The following CPLANE1 variants were observed in gnomAD, a reference collection of about 807,000 sequenced individuals.
CPLANE1 encodes the protein ciliogenesis and planar polarity effector complex subunit 1.
A neutral mutation model predicts 362.5 loss-of-function variants in CPLANE1; 263 were observed. The observed-to-expected ratio is 0.73, with a 90% CI of 0.66 to 0.80. CPLANE1 has a LOEUF of 0.80. Among genes scored for constraint, CPLANE1 ranks in the 30% least tolerant of loss-of-function variants. CPLANE1 has a pLI of 0.00. For missense variants in CPLANE1, 3,461 were observed against 3,793.4 expected (o/e 0.91, Z 2.30); for synonymous variants, 1,212 against 1,302.6 (o/e 0.93, Z 1.50).
the CPLANE1 span, among the ~76,000 whole-genome samples, chr5:37,097,555 T>C: frequency 3.3e-4 from 50 of 152,172 alleles, no homozygotes; most frequent in African/African-American, 1.1e-3. Flanking sequence ...CCCCAAAAGG[T>C]CTTCTGTCAC....
chr5:37,178,540 G>C (rs1781823157), intron 29 of CPLANE1, among the ~76,000 whole-genome samples: 1 of 149,904 alleles, frequency 6.7e-6, no homozygotes, highest in African/African-American at 2.5e-5. Flanking sequence ...TTTATTCCAG[G>C]AATTCCAGGC....
At chr5:37,162,591 G>A (rs752207697) in intron 37 of CPLANE1, 25 bp from the exon 38 acceptor site, 71 of 1,517,076 alleles carry the variant, frequency 4.7e-5, no homozygotes, top group Middle Eastern at 3.4e-4. Flanking sequence ...AACATTGGAA[G>A]TAATCATTGA....
chr5:37,215,170 C>T (rs1793694108), intron 15 of CPLANE1, among the ~76,000 whole-genome samples: 1 of 152,124 alleles, frequency 6.6e-6, no homozygotes, highest in Admixed American at 6.5e-5. Flanking sequence ...CTGCCTCAGC[C>T]TCCTGAGTAG....
intron 38 of CPLANE1, among the ~76,000 whole-genome samples, chr5:37,159,604 G>A (rs991349966): frequency 3.3e-5 from 5 of 152,056 alleles, no homozygotes; most frequent in African/African-American, 9.7e-5. Flanking sequence ...TTTTGTTCTA[G>A]GCCTCTAGCC....
At chr5:37,208,308 G>A (rs1791417522) in intron 16 of CPLANE1, among the ~76,000 whole-genome samples, 1 of 152,172 alleles carries the variant, frequency 6.6e-6, no homozygotes, top group African/African-American at 2.4e-5. Flanking sequence ...ACTTGTTCTT[G>A]CCCTGGGGCT....
intron 50 of CPLANE1, among the ~76,000 whole-genome samples, chr5:37,118,331 T>C (rs537418575): frequency 1.5e-4 from 22 of 146,382 alleles, no homozygotes; most frequent in African/African-American, 5.7e-4. Flanking sequence ...CTCTTGAGCC[T>C]AGGAGGCAAA....
At chr5:37,121,817 G>A in intron 48 of CPLANE1, 33 bp from the exon 49 acceptor site, 1 of 1,574,980 alleles carries the variant, frequency 6.3e-7, no homozygotes, top group Non-Finnish European at 8.7e-7. Context: ...CATTTATTAA[G>A]AGTCACTTTC....
intron 50 of CPLANE1, among the ~76,000 whole-genome samples, chr5:37,118,771 T>A (rs1761795863): frequency 6.6e-6 from 1 of 151,560 alleles, no homozygotes; most frequent in South Asian, 2.1e-4. Context: ...TGGAGTGCAG[T>A]GGTGCGATCT....
chr5:37,242,213 G>T (rs529043756), intron 6 of CPLANE1, among the ~76,000 whole-genome samples: 1 of 151,920 alleles, frequency 6.6e-6, no homozygotes, highest in Admixed American at 6.6e-5. Flanking sequence ...AGTTAGCCAG[G>T]CCTGGTGGCG....
In CPLANE1 at chr5:37,201,647, C is replaced by T. The variant is rs758532792; in HGVS notation, c.3451G>A (p.Gly1151Ser). The T allele has an allele frequency of 7.4e-6, 12 of 1,613,982 alleles. No individual in the cohort carries two copies. The highest frequency in any genetic ancestry group is 3.3e-4 in the Middle Eastern group (2 of 6,084). Residue 1151 changes from glycine (G) to serine (S), a missense_variant, in exon 19 of 53, where the codon GGC (glycine) becomes AGC (serine). This residue lies in a region of CPLANE1 where 3,380 missense variants were observed against 3,666.1 expected (regional missense o/e 0.92). Transcript: ENST00000651892. ...AATGGAGGAGCTGGAAGATACAAGC[C>T]GAATGGCACTAAGCCCCACAGTCTT... Reference protein sequence around the residue: ...SKRLWGLVPFGLYLPAPPLYC... With the variant: ...SKRLWGLVPFSLYLPAPPLYC...
chr5:37,187,772 C>T lies in CPLANE1; in HGVS notation c.3882G>A (p.Arg1294=). 1 of 1,613,778 alleles carries T rather than the reference C, an allele frequency of 6.2e-7. No individual in the cohort carries two copies. The highest frequency in any genetic ancestry group is 1.3e-5 in the African/African-American group (1 of 75,000). Residue 1294 remains arginine, a synonymous_variant, in exon 22 of 53, where the codon AGG becomes AGA. Coordinates refer to ENST00000651892, the MANE Select transcript of CPLANE1 (RefSeq NM_001384732.1). ...CATTTTCTCTTGCTTTCTGATATTG[C>T]CTGCAACTATAGGATAACTTATCAC... ...HVRDKLSYSC[R]QYQKARENVK...
rs1795987925 is a variant in CPLANE1, at chr5:37,224,274, G to C, written c.2560C>G (p.Leu854Val). 6.5e-7 allele frequency: 1 copy of C among 1,549,006 alleles called. No individual in the cohort carries two copies. The highest frequency in any genetic ancestry group is 8.7e-7 in the Non-Finnish European group (1 of 1,145,774). Residue 854 changes from leucine to valine, a missense_variant, in exon 14 of 53, where the codon CTA (leucine) becomes GTA (valine). Physicochemically the swap from Leu to Val is conservative, Grantham distance 32. Transcript: ENST00000651892. ...EKSVQLWKKALQEIEEKGGRR... is the reference protein window; with the variant it reads ...EKSVQLWKKAVQEIEEKGGRR... ...TTACCTTTCTCTTCGATTTCTTGTA[G>C]AGCTTTTTTCCACAGCTGAACAGAC... is the stretch of plus-strand genomic sequence containing the variant.
chr5:37,119,304 C>T (rs982271276), intron 50 of CPLANE1, among the ~76,000 whole-genome samples: 8 of 152,092 alleles, frequency 5.3e-5, no homozygotes, highest in African/African-American at 1.7e-4. Context: ...TATCTTTAGC[C>T]AGATATACAA....
At chr5:37,151,181 G>GTAA (rs1325335523) in intron 42 of CPLANE1, among the ~76,000 whole-genome samples, 1 of 152,130 alleles carries the variant, frequency 6.6e-6, no homozygotes, top group Non-Finnish European at 1.5e-5. Context: ...CTACCTCTAA[G>GTAA]TAATGCTCAT....
Position 37,209,578 on chromosome 5 carries a change from G to C in CPLANE1, c.2921-3153C>G. ...GTGCAAGGGAGCTCCCTCTTAATAAGTGCCTCTAACTCTTTAGTGGCAGAT... is the reference window on the plus strand; with the variant it reads ...GTGCAAGGGAGCTCCCTCTTAATAACTGCCTCTAACTCTTTAGTGGCAGAT... On this transcript the variant is annotated intron_variant, in intron 16 of 52. Coordinates refer to ENST00000651892, the MANE Select transcript of CPLANE1 (RefSeq NM_001384732.1). This position sits in a 1 kb window ranked among gnomAD's most constrained non-coding sequence, Gnocchi z 4.6. The C allele has an allele frequency of 1.5e-6, 2 of 1,371,418 alleles. No individual in the cohort carries two copies. The highest frequency in any genetic ancestry group is 2.3e-5 in the East Asian group (1 of 43,552). The allele number at this position is 1,371,418 out of a possible 1,614,324, so 85.0% of individuals were successfully genotyped here. A position where few individuals can be genotyped will look rare whatever the true frequency, so the allele number is the denominator to read the frequency against.
rs1428377660 is a variant in CPLANE1, at chr5:37,108,415, G to A, written c.9457C>T (p.Leu3153Phe). Residue 3153 changes from leucine to phenylalanine, a missense_variant, in exon 52 of 53, where the codon CTT becomes TTT. Leu to Phe is a conservative substitution (Grantham distance 22, BLOSUM62 0). This residue lies in a region of CPLANE1 where 81 missense variants were observed against 127.3 expected (regional missense o/e 0.64). Coordinates refer to ENST00000651892, the MANE Select transcript of CPLANE1 (RefSeq NM_001384732.1). ...QHTKKHGSAGLAPQTKQVCVE... is the reference protein window; with the variant it reads ...QHTKKHGSAGFAPQTKQVCVE... ...CACACCTGCTTGGTTTGAGGTGCAA[G>A]CCCAGCACTTCCATGTTTTTTTGTA... 1.2e-6 allele frequency: 2 copies of A among 1,614,160 alleles called. No homozygotes were observed. The highest frequency in any genetic ancestry group is 2.2e-5 in the South Asian group (2 of 91,082).
At position 37,158,229 on chromosome 5, in the gene CPLANE1, T is replaced by A. The variant is rs1260144413; in HGVS notation, c.7807A>T (p.Asn2603Tyr). 2 of 1,613,382 alleles carry A rather than the reference T, an allele frequency of 1.2e-6. No homozygotes were observed. The highest frequency in any genetic ancestry group is 1.7e-6 in the Non-Finnish European group (2 of 1,179,668). The change falls in exon 39 of 53, where the codon AAC (asparagine) becomes TAC (tyrosine). Residue 2603 changes from asparagine (N) to tyrosine (Y), a missense_variant. Transcript: ENST00000651892. The stretch of plus-strand genomic sequence containing the variant: ...CTTCTGAATAAAACACAAACCAAGT[T>A]TGTTACTGTATGAGGTATTGAGGGT... ...WSPSIPHTVT[N>Y]LVGHTYINVI...
In CPLANE1 at chr5:37,122,462, C is replaced by G; in HGVS notation, c.8985G>C (p.Arg2995Ser). The G allele has an allele frequency of 6.2e-7, 1 of 1,612,902 alleles. No homozygotes were observed. The highest frequency in any genetic ancestry group is 8.5e-7 in the Non-Finnish European group (1 of 1,179,652). The change falls in exon 48 of 53, where the codon AGG (arginine) becomes AGC (serine). Residue 2995 changes from arginine to serine, a missense_variant. This residue lies in a region of CPLANE1 where 3,380 missense variants were observed against 3,666.1 expected (regional missense o/e 0.92). Transcript: ENST00000651892. ...TTTCATGCTTCATCTTTTGTCTCAG[C>G]CTTATTTCCCTTGAAGTCATGTAAA... ...NPLYMTSREI[R>S]LRQKMKHEKD... is the part of the protein sequence containing the mutation.
intron 16 of CPLANE1, chr5:37,211,531 C>T: frequency 2.3e-6 from 3 of 1,285,928 alleles, no homozygotes; most frequent in Non-Finnish European, 3.4e-6. Context: ...GGCAGTGCAG[C>T]CTCAAGGCTA....
Sources: allele counts gnomAD v4.1 joint callset (sites outside exome capture counted in the v4.1 genomes callset), GRCh38; gene constraint gnomAD v4.1.1; regional missense constraint gnomAD v4.1.1; non-coding constraint Gnocchi (gnomAD v3.1); transcripts MANE v1.5; gene names NCBI Gene and HGNC (gene_info 2026-07-23, HGNC 2026-07-21).